The following CCDC102B variants were observed in gnomAD, a reference collection of about 807,000 sequenced individuals.
CCDC102B encodes the protein coiled-coil domain containing 102B, also known as coiled-coil domain-containing protein 102B.
Under a neutral mutation model 57.4 loss-of-function variants are expected in CCDC102B, and 75 were observed. That is an observed-to-expected ratio of 1.31 (90% CI 1.08 to 1.58). The LOEUF is 1.58. Ranked by LOEUF, CCDC102B falls within the 40% of genes most tolerant of loss-of-function variation. The pLI is 0.00. For missense variants in CCDC102B, 636 were observed against 582.6 expected, an observed-to-expected ratio of 1.09 and a Z score of -0.94; for synonymous variants, 206 against 201.9, an observed-to-expected ratio of 1.02 and a Z score of -0.17.
chr18:68,763,143 C>T (rs1347512844), intron 2 of CCDC102B, among the ~76,000 whole-genome samples: 1 of 152,038 alleles, frequency 6.6e-6, no homozygotes, highest in Non-Finnish European at 1.5e-5. Flanking sequence ...TACTGAACTC[C>T]TATGGTCTTT....
At chr18:68,900,528 AT>A (rs1032021622) in intron 6 of CCDC102B, among the ~76,000 whole-genome samples, 166 of 152,214 alleles carry the variant, frequency 1.1e-3, no homozygotes, top group African/African-American at 3.9e-3. Context: ...ATTTGTCAGA[AT>A]TTTTTCTTTG....
At chr18:69,035,201 T>G (rs945856376) in intron 7 of CCDC102B, among the ~76,000 whole-genome samples, 3 of 152,074 alleles carry the variant, frequency 2.0e-5, no homozygotes, top group Non-Finnish European at 4.4e-5. Flanking sequence ...AATAAATGAT[T>G]TTAGCAATTC....
intron 2 of CCDC102B, among the ~76,000 whole-genome samples, chr18:68,770,740 C>A (rs2034612699): frequency 6.6e-6 from 1 of 152,180 alleles, no homozygotes; most frequent in African/African-American, 2.4e-5. Context: ...CATTTTATTA[C>A]AAGGAAGCCT....
intron 2 of CCDC102B, among the ~76,000 whole-genome samples, chr18:68,744,712 C>A (rs1440984034): frequency 1.3e-5 from 2 of 152,094 alleles, no homozygotes; most frequent in East Asian, 1.9e-4. Flanking sequence ...GCGTGGTTAC[C>A]CCCAGCTGTT....
At chr18:68,827,615 A>G (rs2144756654) in intron 1 of CCDC102B, among the ~76,000 whole-genome samples, 1 of 152,222 alleles carries the variant, frequency 6.6e-6, no homozygotes, top group African/African-American at 2.4e-5. Flanking sequence ...AAGAAAACAA[A>G]TTATAAAATG....
At chr18:68,802,134 T>TA (rs2035877476) in intron 1 of CCDC102B, among the ~76,000 whole-genome samples, 3 of 150,008 alleles carry the variant, frequency 2.0e-5, no homozygotes, top group South Asian at 4.2e-4. Context: ...AGGTTCTGGT[T>TA]ATAACCTGTT....
At chr18:68,822,283 A>C (rs954223736) in intron 1 of CCDC102B, among the ~76,000 whole-genome samples, 3 of 152,038 alleles carry the variant, frequency 2.0e-5, no homozygotes, top group Admixed American at 1.3e-4. Context: ...AGTCCCAGGT[A>C]CTCAGGATGC....
chr18:68,715,255 G>A (rs2031869202), exon 1 of CCDC102B: 1 of 1,334,372 alleles, frequency 7.5e-7, no homozygotes, highest in Non-Finnish European at 9.6e-7. Context: ...TCCACGCCCA[G>A]GAGCGTGGGA....
At position 68,856,097 on chromosome 18, in the gene CCDC102B, C is replaced by G. The variant is rs752043685; in HGVS notation, c.936+9676C>G. 2.0e-5 allele frequency among the ~76,000 whole-genome samples: 3 copies of G among 152,100 alleles called. No homozygotes were observed. The South Asian group carries it at 6.2e-4, about 32-fold the overall frequency. On this transcript the variant is annotated intron_variant, in intron 4 of 7. Coordinates refer to ENST00000360242, the MANE Select transcript of CCDC102B (RefSeq NM_024781.3). ...ATAGTTGGCGCTATTTCTTTTTTTA[C>G]TTGATAAAGTTAAATCACATACTTT...
intron 6 of CCDC102B, among the ~76,000 whole-genome samples, chr18:68,955,822 A>T (rs1031073342): frequency 6.6e-6 from 1 of 151,998 alleles, no homozygotes; most frequent in Non-Finnish European, 1.5e-5. Flanking sequence ...GGTATGTGAG[A>T]TATTTTGATA....
intron 1 of CCDC102B, among the ~76,000 whole-genome samples, chr18:68,833,202 T>C (rs2037219468): frequency 6.6e-6 from 1 of 152,166 alleles, no homozygotes; most frequent in Admixed American, 6.6e-5. Flanking sequence ...TGACCCCTTC[T>C]AACTGTATGA....
intron 6 of CCDC102B, among the ~76,000 whole-genome samples, chr18:69,010,273 A>G (rs1219295063): frequency 2.6e-5 from 4 of 151,726 alleles, no homozygotes; most frequent in Admixed American, 1.3e-4. Context: ...ATGATAGTAC[A>G]ATTTATTTTA....
upstream of CCDC102B, among the ~76,000 whole-genome samples, chr18:68,793,717 T>G (rs1317212066): frequency 6.6e-6 from 1 of 152,160 alleles, no homozygotes; most frequent in Non-Finnish European, 1.5e-5. Flanking sequence ...TGTGGTCTTA[T>G]TCATTAATTT....
chr18:68,784,379 A>G (rs2035115171), intron 2 of CCDC102B, among the ~76,000 whole-genome samples: 1 of 151,922 alleles, frequency 6.6e-6, no homozygotes, highest in Non-Finnish European at 1.5e-5. Flanking sequence ...TGAGAACAGC[A>G]CCAAGGGGAT....
At chr18:68,893,435 C>G (rs544489867) in intron 5 of CCDC102B, among the ~76,000 whole-genome samples, 2 of 152,186 alleles carry the variant, frequency 1.3e-5, no homozygotes, top group South Asian at 2.1e-4. Context: ...CGGAGAAGTC[C>G]TTTTCATGTT....
At chr18:68,825,718 C>T (rs1362732830) in intron 1 of CCDC102B, among the ~76,000 whole-genome samples, 1 of 151,988 alleles carries the variant, frequency 6.6e-6, no homozygotes, top group Non-Finnish European at 1.5e-5. Flanking sequence ...AATAAATAAA[C>T]ATTCAATAAG....
At chr18:68,863,956 G>A (rs2038867613) in intron 4 of CCDC102B, among the ~76,000 whole-genome samples, 1 of 151,774 alleles carries the variant, frequency 6.6e-6, no homozygotes, top group South Asian at 2.1e-4. Context: ...TTCAGACCTG[G>A]GTAAATCAAT....
intron 6 of CCDC102B, among the ~76,000 whole-genome samples, chr18:68,962,270 T>C (rs868021834): frequency 6.6e-6 from 1 of 152,108 alleles, no homozygotes; most frequent in African/African-American, 2.4e-5. Flanking sequence ...TTCTGCACTC[T>C]GCATGGATAC....
At chr18:68,739,314 T>G (rs1227505082) in intron 2 of CCDC102B, among the ~76,000 whole-genome samples, 5 of 152,192 alleles carry the variant, frequency 3.3e-5, no homozygotes, top group African/African-American at 1.2e-4. Flanking sequence ...ACCATTTGTT[T>G]TTGATATGCA....
Sources: allele counts gnomAD v4.1 joint callset (sites outside exome capture counted in the v4.1 genomes callset), GRCh38; gene constraint gnomAD v4.1.1; transcripts MANE v1.5; gene names NCBI Gene and HGNC (gene_info 2026-07-23, HGNC 2026-07-21).